Variants in TMEM132D observed in about 807,000 individuals in gnomAD.
The protein encoded by TMEM132D is transmembrane protein 132D.
TMEM132D carries 21 observed loss-of-function variants against 62.3 expected under a neutral mutation model. That is an observed-to-expected ratio of 0.34 (90% CI 0.24 to 0.49). The LOEUF is 0.49. Among genes scored for constraint, TMEM132D ranks in the 20% least tolerant of loss-of-function variants. The probability of loss-of-function intolerance (pLI) is 0.99; values close to 1 mark genes in which losing one functional copy is unlikely to be tolerated. For missense variants in TMEM132D, 1,346 were observed against 1,402.8 expected, an observed-to-expected ratio of 0.96 and a Z score of 0.65; for synonymous variants, 621 against 575.6, an observed-to-expected ratio of 1.08 and a Z score of -1.13.
At chr12:129,376,013 T>G (rs1870769381) in intron 3 of TMEM132D, among the ~76,000 whole-genome samples, 1 of 152,162 alleles carries the variant, frequency 6.6e-6, no homozygotes, top group Non-Finnish European at 1.5e-5. Context: ...TGTTAAACAT[T>G]TTTGGGCAGA....
At chr12:129,742,608 G>T (rs1869645004) in intron 1 of TMEM132D, among the ~76,000 whole-genome samples, 1 of 152,074 alleles carries the variant, frequency 6.6e-6, no homozygotes, top group South Asian at 2.1e-4. Context: ...TTTCCTTCTG[G>T]GTCCTTAAAC....
intron 2 of TMEM132D, among the ~76,000 whole-genome samples, chr12:129,611,571 A>T (rs1167536752): frequency 6.6e-6 from 1 of 152,182 alleles, no homozygotes; most frequent in Non-Finnish European, 1.5e-5. Context: ...AGTCCAATGG[A>T]CGTTGACTGG....
chr12:129,201,609 G>T (rs1055262156), intron 5 of TMEM132D, among the ~76,000 whole-genome samples: 19 of 152,186 alleles, frequency 1.2e-4, no homozygotes, highest in Non-Finnish European at 2.6e-4. Flanking sequence ...CATATCTCAG[G>T]ATTTATACAG....
intron 2 of TMEM132D, among the ~76,000 whole-genome samples, chr12:129,685,283 T>G (rs1333746686): frequency 6.6e-6 from 1 of 152,028 alleles, no homozygotes; most frequent in African/African-American, 2.4e-5. Context: ...AATGGTTTCT[T>G]GGGCTGGGCC....
chr12:129,861,605 A>G (rs1873900385), intron 1 of TMEM132D, among the ~76,000 whole-genome samples: 1 of 152,154 alleles, frequency 6.6e-6, no homozygotes, highest in Non-Finnish European at 1.5e-5. Context: ...TACTAAAAAT[A>G]CAAAAATTAG....
intron 3 of TMEM132D, among the ~76,000 whole-genome samples, chr12:129,450,129 T>C (rs1452157563): frequency 6.6e-6 from 1 of 152,230 alleles, no homozygotes; most frequent in African/African-American, 2.4e-5. Flanking sequence ...GATGCACAGT[T>C]TGTAAACATT....
chr12:129,114,751 C>T (rs1020521342), intron 5 of TMEM132D, among the ~76,000 whole-genome samples: 1 of 152,120 alleles, frequency 6.6e-6, no homozygotes, highest in Admixed American at 6.6e-5. Flanking sequence ...CTGCTGTTGA[C>T]CTTTGGAGTA....
chr12:129,404,610 A>G (rs1305690501), intron 3 of TMEM132D, among the ~76,000 whole-genome samples: 1 of 152,222 alleles, frequency 6.6e-6, no homozygotes, highest in African/African-American at 2.4e-5. Context: ...GAAGCTCCCA[A>G]TCATGGCAGC....
intron 3 of TMEM132D, among the ~76,000 whole-genome samples, chr12:129,470,036 G>C (rs895967765): frequency 6.6e-6 from 1 of 152,168 alleles, no homozygotes; most frequent in African/African-American, 2.4e-5. Flanking sequence ...CCTGTGTACA[G>C]TATGTGAATC....
intron 3 of TMEM132D, among the ~76,000 whole-genome samples, chr12:129,500,154 G>T (rs1290278717): frequency 1.4e-5 from 2 of 147,690 alleles, no homozygotes; most frequent in Non-Finnish European, 3.0e-5. Flanking sequence ...CCCTGAGTGG[G>T]GAGGCAATTC....
intron 3 of TMEM132D, 69 bp downstream of exon 3, chr12:129,530,990 G>GCAA: frequency 2.4e-6 from 3 of 1,267,184 alleles, no homozygotes; most frequent in Non-Finnish European, 3.1e-6. Flanking sequence ...AGCAATCTAG[G>GCAA]AAAAAAAAAA....
chr12:129,662,812 A>AGAGAG (rs1555224286), intron 2 of TMEM132D, among the ~76,000 whole-genome samples: 10,143 of 81,616 alleles, frequency 0.12, 291 homozygotes, highest in African/African-American at 0.15. Flanking sequence ...AAAAAAAAAA[A>AGAGAG]AGAGAGAGAG....
intron 1 of TMEM132D, among the ~76,000 whole-genome samples, chr12:129,900,375 G>T (rs1875312040): frequency 6.6e-6 from 1 of 152,150 alleles, no homozygotes; most frequent in Non-Finnish European, 1.5e-5. Flanking sequence ...TTTCAGGAAG[G>T]CGCTCCAAGA....
At chr12:129,380,469 T>C (rs1457023532) in intron 3 of TMEM132D, among the ~76,000 whole-genome samples, 1 of 152,192 alleles carries the variant, frequency 6.6e-6, no homozygotes, top group Non-Finnish European at 1.5e-5. Flanking sequence ...TTGTAACATC[T>C]TCTAGAATTC....
At chr12:129,471,208 A>AC (rs1399900220) in intron 3 of TMEM132D, among the ~76,000 whole-genome samples, 4 of 65,466 alleles carry the variant, frequency 6.1e-5, no homozygotes, top group Non-Finnish European at 9.4e-5. Context: ...TGTAGATATT[A>AC]CTTTTTTTTT....
chr12:129,199,758 C>G (rs1878647367), intron 5 of TMEM132D, among the ~76,000 whole-genome samples: 1 of 152,072 alleles, frequency 6.6e-6, no homozygotes, highest in Admixed American at 6.5e-5. Context: ...GGGGAACTGC[C>G]CTTTATAAAA....
chr12:129,132,404 T>C (rs1422269613), intron 5 of TMEM132D, among the ~76,000 whole-genome samples: 2 of 152,186 alleles, frequency 1.3e-5, no homozygotes, highest in Non-Finnish European at 2.9e-5. Context: ...ATAAGGGTTT[T>C]GTTGTAAACA....
intron 2 of TMEM132D, among the ~76,000 whole-genome samples, chr12:129,578,208 C>A (rs924891924): frequency 6.6e-6 from 1 of 152,116 alleles, no homozygotes; most frequent in African/African-American, 2.4e-5. Context: ...GTTACATCAG[C>A]AGCCCTCTTA....
rs990316526 is a variant in TMEM132D, at chr12:129,084,540, T to G, written c.1606A>C (p.Asn536His). The G allele has an allele frequency of 6.2e-7, 1 of 1,612,544 alleles. No individual in the cohort carries two copies. The highest frequency in any genetic ancestry group is 1.7e-5 in the Admixed American group (1 of 59,944). The part of the protein sequence containing the change: ...LQIEVSDTEL[N>H]QIKGWRVPIV... ...GGCACTCTCCAACCCTTGATCTGATTGAGCTCGGTGTCGGAGACCTCGATC... is the reference window on the plus strand; with the variant it reads ...GGCACTCTCCAACCCTTGATCTGATGGAGCTCGGTGTCGGAGACCTCGATC... The change falls in exon 6 of 9, where the codon AAT (asparagine) becomes CAT (histidine). Residue 536 changes from asparagine (N) to histidine (H), a missense_variant. Asn to His is a moderately conservative substitution (Grantham distance 68, BLOSUM62 1). Transcript: ENST00000422113.
Sources: allele counts gnomAD v4.1 joint callset (sites outside exome capture counted in the v4.1 genomes callset), GRCh38; gene constraint gnomAD v4.1.1; transcripts MANE v1.5; gene names NCBI Gene and HGNC (gene_info 2026-07-23, HGNC 2026-07-21).